Variants in GLI3 observed in about 807,000 individuals in gnomAD.
The protein encoded by GLI3 is GLI family zinc finger 3, also known as transcription activator GLI3.
A neutral mutation model predicts 100.8 loss-of-function variants in GLI3; 20 were observed. The ratio of observed to expected loss-of-function variants is 0.20; its 90% CI spans 0.14 to 0.29. The LOEUF is 0.29. GLI3 is among the 10% of genes least tolerant of loss of function. The probability of loss-of-function intolerance (pLI) is 1.00; values close to 1 mark genes in which losing one functional copy is unlikely to be tolerated. For synonymous variants in GLI3, 938 were observed against 860.5 expected, an observed-to-expected ratio of 1.09 and a Z score of -1.58; for missense variants, 2,040 against 2,128.5, an observed-to-expected ratio of 0.96 and a Z score of 0.82.
intron 13 of GLI3, among the ~76,000 whole-genome samples, chr7:41,971,938 T>C (rs1207556364): frequency 6.6e-6 from 1 of 152,140 alleles, no homozygotes; most frequent in African/African-American, 2.4e-5. Context: ...AGTCTATCTA[T>C]CCCACTGGAC....
intron 2 of GLI3, among the ~76,000 whole-genome samples, chr7:42,190,509 T>G (rs1583634734): frequency 6.6e-6 from 1 of 152,258 alleles, no homozygotes; most frequent in South Asian, 2.1e-4. Context: ...AAAGACTCAA[T>G]AACAATGGAA....
intron 2 of GLI3, among the ~76,000 whole-genome samples, chr7:42,159,002 T>C (rs1787069593): frequency 6.6e-6 from 1 of 152,214 alleles, no homozygotes; most frequent in African/African-American, 2.4e-5. Flanking sequence ...TGGGCACATT[T>C]AGTATCTTGC....
At chr7:41,991,852 G>A (rs957331091) in intron 10 of GLI3, among the ~76,000 whole-genome samples, 1 of 152,178 alleles carries the variant, frequency 6.6e-6, no homozygotes, top group Admixed American at 6.5e-5. Context: ...CCAGTGTTAA[G>A]AAAAACACAA....
chr7:42,216,947 G>C (rs1029130796), intron 2 of GLI3, among the ~76,000 whole-genome samples: 4 of 152,214 alleles, frequency 2.6e-5, no homozygotes, highest in Non-Finnish European at 4.4e-5. Flanking sequence ...TAAATGTTAA[G>C]TCAAAGACTT....
At chr7:42,025,939 G>A (rs1789097786) in intron 8 of GLI3, among the ~76,000 whole-genome samples, 1 of 152,222 alleles carries the variant, frequency 6.6e-6, no homozygotes, top group Admixed American at 6.5e-5. Context: ...GATGGCACCA[G>A]GTCACAGTGA....
intron 4 of GLI3, among the ~76,000 whole-genome samples, chr7:42,072,071 G>T (rs554135070): frequency 1.3e-5 from 2 of 152,234 alleles, no homozygotes; most frequent in Admixed American, 6.5e-5. Flanking sequence ...GATTAGTAAA[G>T]TGGATGGTGA....
At chr7:42,028,880 T>C (rs1789202375) in intron 7 of GLI3, among the ~76,000 whole-genome samples, 1 of 152,072 alleles carries the variant, frequency 6.6e-6, no homozygotes, top group Non-Finnish European at 1.5e-5. Context: ...GTTTCCTAGG[T>C]CTACGATCCT....
chr7:42,250,989 T>C (rs543511135), intron 1 of GLI3, among the ~76,000 whole-genome samples: 2 of 152,242 alleles, frequency 1.3e-5, no homozygotes, highest in South Asian at 4.2e-4. Context: ...TCAGGAAGTA[T>C]GAAAAAGCAT....
intron 10 of GLI3, among the ~76,000 whole-genome samples, chr7:41,995,695 A>G (rs1245990984): frequency 1.3e-5 from 2 of 152,198 alleles, no homozygotes; most frequent in African/African-American, 2.4e-5. Context: ...TAAATGCTAC[A>G]GAAAATGCAC....
intron 3 of GLI3, among the ~76,000 whole-genome samples, chr7:42,080,554 T>C (rs934930827): frequency 6.6e-6 from 1 of 152,150 alleles, no homozygotes; most frequent in African/African-American, 2.4e-5. Flanking sequence ...CTTGTGTTGG[T>C]TATTAGTAGA....
At chr7:41,985,557 A>G (rs1787797643) in intron 10 of GLI3, among the ~76,000 whole-genome samples, 1 of 152,206 alleles carries the variant, frequency 6.6e-6, no homozygotes, top group Non-Finnish European at 1.5e-5. Flanking sequence ...AAAATGGGAA[A>G]ATAATTTAGA....
chr7:42,254,538 T>C (rs1789066467), intron 1 of GLI3, among the ~76,000 whole-genome samples: 1 of 152,246 alleles, frequency 6.6e-6, no homozygotes, highest in Non-Finnish European at 1.5e-5. Context: ...TCAGTGACTT[T>C]AGTCAGAACA....
At position 42,023,621 on chromosome 7, in the gene GLI3, G is replaced by A; in HGVS notation, c.1357-13C>T. Reference sequence around the variant, plus strand: ...CTTCGGGCTGTTCCTGAAAGAAGAGGGTGGGGGGCAGGGAACAGAGAAGGG... The same window carrying A: ...CTTCGGGCTGTTCCTGAAAGAAGAGAGTGGGGGGCAGGGAACAGAGAAGGG... On this transcript the variant is annotated splice_polypyrimidine_tract_variant and intron_variant, in intron 9 of 14. Coordinates refer to ENST00000395925, the MANE Select transcript of GLI3 (RefSeq NM_000168.6). The A allele has an allele frequency of 6.2e-7, 1 of 1,603,758 alleles. No individual in the cohort carries two copies.
intron 4 of GLI3, among the ~76,000 whole-genome samples, chr7:42,071,160 C>A (rs143198509): frequency 1.3e-5 from 2 of 152,042 alleles, no homozygotes; most frequent in South Asian, 4.2e-4. Context: ...ATACACAGAT[C>A]GTCTTCACCC....
intron 12 of GLI3, among the ~76,000 whole-genome samples, chr7:41,974,984 C>T (rs555898781): frequency 6.6e-6 from 1 of 152,272 alleles, no homozygotes; most frequent in Admixed American, 6.5e-5. Flanking sequence ...TGAGAACTGA[C>T]ACTTACACAA....
intron 10 of GLI3, among the ~76,000 whole-genome samples, chr7:41,987,253 C>A (rs933506393): frequency 3.3e-5 from 5 of 152,130 alleles, no homozygotes; most frequent in Non-Finnish European, 5.9e-5. Context: ...ACTACAACCT[C>A]CACCTCCCGA....
chr7:42,108,520 T>G (rs563885568), intron 3 of GLI3, among the ~76,000 whole-genome samples: 1 of 152,178 alleles, frequency 6.6e-6, no homozygotes, highest in Non-Finnish European at 1.5e-5. Context: ...GCAGAGTATG[T>G]GTTCAAGTTT....
In GLI3 at chr7:41,965,890, G is replaced by C. The variant is rs565428084; in HGVS notation, c.3183C>G (p.His1061Gln). 1 of 1,613,786 alleles carries C rather than the reference G, an allele frequency of 6.2e-7. No homozygotes were observed. Among genetic ancestry groups the C allele is most frequent in the Admixed American group, 1.7e-5 (1 of 60,016 alleles). Residue 1061 changes from histidine to glutamine, a missense_variant, in exon 15 of 15, where the codon CAC (histidine) becomes CAG (glutamine). Physicochemically the swap from His to Gln is conservative, Grantham distance 24. Transcript: ENST00000395925. ...RPEGGQSRNF[H>Q]SSPCPPSITE... ...TGATGCTGGGAGGACAGGGGGACGA[G>C]TGGAAGTTTCGGGACTGGCCGCCCT...
At chr7:42,194,693 A>G (rs1787891603) in intron 2 of GLI3, among the ~76,000 whole-genome samples, 1 of 151,112 alleles carries the variant, frequency 6.6e-6, no homozygotes. Context: ...CCATCCCCAG[A>G]GTCCTACTAA....
Sources: allele counts gnomAD v4.1 joint callset (sites outside exome capture counted in the v4.1 genomes callset), GRCh38; gene constraint gnomAD v4.1.1; transcripts MANE v1.5; gene names NCBI Gene and HGNC (gene_info 2026-07-23, HGNC 2026-07-21).